Variants in NCKAP5 observed in about 807,000 individuals in gnomAD.
NCKAP5 encodes the protein nck-associated protein 5.
A neutral mutation model predicts 167.0 loss-of-function variants in NCKAP5; 92 were observed. The ratio of observed to expected loss-of-function variants is 0.55; its 90% CI spans 0.47 to 0.66. The LOEUF (loss-of-function observed/expected upper bound fraction) is 0.66. Ranked by LOEUF, NCKAP5 falls within the 30% of genes least tolerant of loss-of-function variation. The pLI is 0.00. For missense variants in NCKAP5, 2,378 were observed against 2,315.0 expected (o/e 1.03, Z -0.56); for synonymous variants, 891 against 877.4 (o/e 1.02, Z -0.27).
chr2:133,294,772 C>A (rs956902824), intron 4 of NCKAP5, among the ~76,000 whole-genome samples: 1 of 152,158 alleles, frequency 6.6e-6, no homozygotes, highest in Non-Finnish European at 1.5e-5. Flanking sequence ...TTTCCTATTT[C>A]TGTTCTTAGA....
chr2:133,132,973 G>A (rs945285871), intron 5 of NCKAP5, among the ~76,000 whole-genome samples: 4 of 152,100 alleles, frequency 2.6e-5, no homozygotes, highest in African/African-American at 9.7e-5. Flanking sequence ...ACCACGCCCA[G>A]CCTGTACCCA....
rs572369254 is a variant in NCKAP5, at chr2:133,190,759, C to A, written c.207+22957G>T. Among the ~76,000 whole-genome samples, 19 of 152,212 alleles carry A rather than the reference C, an allele frequency of 1.2e-4. No individual in the cohort carries two copies. In the South Asian group the frequency reaches 3.7e-3, roughly 30 times the overall value. ...CTGGATCCCTTCCTTACACCTTATA[C>A]AAAAATTAATTCAAGACGGACTAAA... On this transcript the variant is annotated intron_variant, in intron 5 of 19. Coordinates refer to ENST00000409261, the MANE Select transcript of NCKAP5 (RefSeq NM_207363.3).
At chr2:132,986,864 A>C (rs2149285472) in intron 7 of NCKAP5, among the ~76,000 whole-genome samples, 1 of 152,272 alleles carries the variant, frequency 6.6e-6, no homozygotes, top group South Asian at 2.1e-4. Flanking sequence ...CCTAGGGTGT[A>C]AGAGGAATGT....
intron 10 of NCKAP5, among the ~76,000 whole-genome samples, chr2:132,868,682 G>T (rs1353984912): frequency 6.6e-6 from 1 of 152,154 alleles, no homozygotes; most frequent in African/African-American, 2.4e-5. Flanking sequence ...TGGTGGGTTT[G>T]CTACTCATCT....
At chr2:133,547,614 G>A (rs1271882186) in intron 2 of NCKAP5, among the ~76,000 whole-genome samples, 1 of 151,398 alleles carries the variant, frequency 6.6e-6, no homozygotes. Context: ...CCCAGCAGGG[G>A]CACACTGACA....
intron 8 of NCKAP5, among the ~76,000 whole-genome samples, chr2:132,894,347 G>A (rs2148882075): frequency 6.6e-6 from 1 of 152,312 alleles, no homozygotes; most frequent in Non-Finnish European, 1.5e-5. Flanking sequence ...TCTCCGCCAG[G>A]GCGATAAGGT....
chr2:132,906,934 T>C (rs541926107), intron 8 of NCKAP5, among the ~76,000 whole-genome samples: 1 of 152,370 alleles, frequency 6.6e-6, no homozygotes, highest in East Asian at 1.9e-4. Context: ...GAATTTTCTT[T>C]CTTGACACGT....
intron 2 of NCKAP5, among the ~76,000 whole-genome samples, chr2:133,523,089 G>C (rs541334536): frequency 1.4e-5 from 2 of 146,748 alleles, no homozygotes; most frequent in South Asian, 4.4e-4. Context: ...AGAAATCTAA[G>C]TTGGCCTTAA....
At chr2:132,865,208 G>T (rs1690247870) in intron 10 of NCKAP5, among the ~76,000 whole-genome samples, 1 of 152,134 alleles carries the variant, frequency 6.6e-6, no homozygotes, top group Admixed American at 6.6e-5. Flanking sequence ...TAAAAGGCAA[G>T]ACAGGTGACA....
intron 6 of NCKAP5, among the ~76,000 whole-genome samples, chr2:133,086,031 G>A (rs1286856071): frequency 1.3e-5 from 2 of 152,260 alleles, no homozygotes; most frequent in East Asian, 3.9e-4. Flanking sequence ...TCTCTCAGTA[G>A]TTTCTAGTTA....
chr2:133,474,407 G>A (rs980502466), intron 3 of NCKAP5, among the ~76,000 whole-genome samples: 1 of 152,158 alleles, frequency 6.6e-6, no homozygotes, highest in Non-Finnish European at 1.5e-5. Flanking sequence ...AAGCTGCAAG[G>A]CAAGGATTGA....
chr2:132,937,781 G>A (rs1696967303), intron 8 of NCKAP5, among the ~76,000 whole-genome samples: 1 of 152,134 alleles, frequency 6.6e-6, no homozygotes, highest in Non-Finnish European at 1.5e-5. Context: ...GTAAACTATT[G>A]GGCTTCCACC....
the NCKAP5 span, among the ~76,000 whole-genome samples, chr2:133,650,897 C>A: frequency 6.0e-5 from 9 of 151,118 alleles, no homozygotes; most frequent in Non-Finnish European, 1.3e-4. Context: ...AACAAACAAA[C>A]AAAAAAAAGG....
intron 15 of NCKAP5, among the ~76,000 whole-genome samples, chr2:132,774,336 C>A (rs1222212219): frequency 6.6e-6 from 1 of 152,134 alleles, no homozygotes; most frequent in Non-Finnish European, 1.5e-5. Flanking sequence ...AAAATATATA[C>A]TTTAAATATA....
chr2:132,894,122 C>T (rs1322314379), intron 8 of NCKAP5, among the ~76,000 whole-genome samples: 1 of 152,170 alleles, frequency 6.6e-6, no homozygotes, highest in Non-Finnish European at 1.5e-5. Flanking sequence ...ATCCTGGCAC[C>T]AGCAACAAAG....
intron 6 of NCKAP5, among the ~76,000 whole-genome samples, chr2:133,061,986 G>T (rs2149519222): frequency 6.6e-6 from 1 of 152,198 alleles, no homozygotes; most frequent in South Asian, 2.1e-4. Flanking sequence ...CTTAAGTCAT[G>T]CTTGCTATGC....
chr2:132,859,349 C>T (rs946838358), intron 11 of NCKAP5, among the ~76,000 whole-genome samples: 19 of 151,732 alleles, frequency 1.3e-4, no homozygotes, highest in African/African-American at 4.4e-4. Flanking sequence ...ATTTTTATTC[C>T]AAAATTCAGA....
chr2:132,687,298 A>G (rs1296331546), intron 19 of NCKAP5, among the ~76,000 whole-genome samples: 1 of 152,200 alleles, frequency 6.6e-6, no homozygotes, highest in Non-Finnish European at 1.5e-5. Flanking sequence ...ACAGAGGAAT[A>G]CAATATGGCA....
At position 132,731,754 on chromosome 2, in the gene NCKAP5, G is replaced by T; in HGVS notation, c.5426C>A (p.Pro1809His). ...CATTTTACCTGAGGAAGCTGGTTTG[G>T]GGAGGCGGCTCTGAAGAGGCCTCAT... Reference protein sequence around the residue: ...RGMRPLQSRLPKPASSGKVSS... With the variant: ...RGMRPLQSRLHKPASSGKVSS... The change falls in exon 17 of 20, where the codon CCC becomes CAC. Residue 1809 changes from proline (P) to histidine (H), a missense_variant. By Grantham distance (77) the Pro-to-His change is moderately conservative. Around this residue, in one of 3 missense-constraint regions of NCKAP5, gnomAD observed 1,325 missense variants for 1,274.5 expected, o/e 1.04. Transcript: ENST00000409261. The T allele has an allele frequency of 6.3e-7, 1 of 1,593,004 alleles. No homozygotes were observed. Among genetic ancestry groups the T allele is most frequent in the Non-Finnish European group, 8.6e-7 (1 of 1,164,682 alleles).
Sources: gnomAD v4.1 joint callset for allele counts (sites outside exome capture counted in the v4.1 genomes callset) on GRCh38, gnomAD v4.1.1 for gene constraint, gnomAD v4.1.1 regional missense constraint, MANE v1.5 for transcripts, NCBI Gene and HGNC (gene_info 2026-07-23, HGNC 2026-07-21) for gene names.